Variants in PTBP3 observed in about 807,000 individuals in gnomAD.
PTBP3 encodes the protein polypyrimidine tract binding protein 3.
A neutral mutation model predicts 58.7 loss-of-function variants in PTBP3; 20 were observed. The ratio of observed to expected loss-of-function variants is 0.34; its 90% CI spans 0.24 to 0.50. PTBP3 has a LOEUF of 0.50. Ranked by LOEUF, PTBP3 falls within the 20% of genes least tolerant of loss-of-function variation. PTBP3 has a pLI of 0.98. For missense variants in PTBP3, 509 were observed against 637.2 expected, an observed-to-expected ratio of 0.80 and a Z score of 2.17; for synonymous variants, 185 against 219.8, an observed-to-expected ratio of 0.84 and a Z score of 1.40.
intron 5 of PTBP3, among the ~76,000 whole-genome samples, chr9:112,255,018 A>G (rs1836289047): frequency 6.6e-6 from 1 of 152,230 alleles, no homozygotes; most frequent in Non-Finnish European, 1.5e-5. Context: ...TATACATACA[A>G]CTGAATATTA....
At chr9:112,320,314 ATTTT>A (rs67226574) in intron 1 of PTBP3, among the ~76,000 whole-genome samples, 13,503 of 75,540 alleles carry the variant, frequency 0.18, 1,280 homozygotes, top group South Asian at 0.3. Context: ...ATATATATAT[ATTTT>A]TTTTTAAGTG....
Position 112,222,897 on chromosome 9 carries a change from A to G in PTBP3, c.*954T>C. The G allele has an allele frequency of 2.3e-6, 2 of 879,926 alleles. No individual in the cohort carries two copies. The highest frequency in any genetic ancestry group is 1.1e-4 in the South Asian group (2 of 19,034). 54.5% of individuals were successfully genotyped at this position (879,926 alleles called of 1,614,324 possible). On this transcript the variant is annotated 3_prime_UTR_variant, in exon 14 of 14. Coordinates refer to ENST00000374257, the MANE Select transcript of PTBP3 (RefSeq NM_001163788.4). ...TTGAGATTAATTTTTTTCTAAAAGA[A>G]GACCTTACCAAAAATAACTTTTAAA...
chr9:112,286,306 C>T (rs1198344736), intron 2 of PTBP3, among the ~76,000 whole-genome samples: 1 of 152,092 alleles, frequency 6.6e-6, no homozygotes, highest in African/African-American at 2.4e-5. Flanking sequence ...TAATTATTAA[C>T]GTGGTTGGGT....
chr9:112,266,625 A>G (rs528317600), intron 4 of PTBP3, among the ~76,000 whole-genome samples: 16 of 152,238 alleles, frequency 1.1e-4, no homozygotes, highest in Non-Finnish European at 2.2e-4. Context: ...TAATTCTCCT[A>G]TAAAAGGGAG....
At chr9:112,318,008 T>G (rs570691033) in intron 1 of PTBP3, among the ~76,000 whole-genome samples, 7 of 152,216 alleles carry the variant, frequency 4.6e-5, no homozygotes, top group African/African-American at 1.7e-4. Context: ...ACAACTTAGT[T>G]GAAATACAAA....
At chr9:112,268,712 C>CAAAA (rs56196327) in intron 3 of PTBP3, among the ~76,000 whole-genome samples, 2 of 94,060 alleles carry the variant, frequency 2.1e-5, no homozygotes, top group Non-Finnish European at 4.4e-5. Context: ...GACACCGTCT[C>CAAAA]AAAAAAAAAA....
the PTBP3 span, among the ~76,000 whole-genome samples, chr9:112,378,832 T>A: frequency 6.6e-6 from 1 of 152,176 alleles, no homozygotes; most frequent in Non-Finnish European, 1.5e-5. Flanking sequence ...TCAATTCAAA[T>A]GCCTACAGGA....
chr9:112,323,032 G>A (rs531924386), intron 1 of PTBP3, among the ~76,000 whole-genome samples: 2 of 152,350 alleles, frequency 1.3e-5, no homozygotes, highest in South Asian at 2.1e-4. Context: ...AAGATCACTT[G>A]AGGCCAGGCA....
At chr9:112,234,927 C>T (rs749472907) in intron 7 of PTBP3, 30 bp from the exon 8 acceptor site, 105 of 1,541,086 alleles carry the variant, frequency 6.8e-5, no homozygotes, top group Non-Finnish European at 9.3e-5. Context: ...AAAGTAAACA[C>T]ACTACCTTCT....
intron 2 of PTBP3, among the ~76,000 whole-genome samples, chr9:112,290,707 T>TATACACACACAC (rs377603008): frequency 2.7e-5 from 3 of 110,956 alleles, no homozygotes; most frequent in African/African-American, 1.2e-4. Flanking sequence ...TATATATATA[T>TATACACACACAC]ACACACACAC....
chr9:112,286,194 T>C (rs917461648), intron 2 of PTBP3, among the ~76,000 whole-genome samples: 2 of 152,190 alleles, frequency 1.3e-5, no homozygotes, highest in African/African-American at 4.8e-5. Context: ...TTACCTGAGA[T>C]TTCATATTTA....
chr9:112,373,223 C>G, the PTBP3 span, among the ~76,000 whole-genome samples: 1 of 152,090 alleles, frequency 6.6e-6, no homozygotes, highest in East Asian at 1.9e-4. Flanking sequence ...TATTAACTCA[C>G]ATGATCACAA....
the PTBP3 span, among the ~76,000 whole-genome samples, chr9:112,365,644 GAA>G: frequency 6.6e-6 from 1 of 152,130 alleles, no homozygotes; most frequent in Non-Finnish European, 1.5e-5. Flanking sequence ...GGGTGCTGCT[GAA>G]AAGATACCGA....
At chr9:112,275,703 CA>C (rs79460841) in intron 3 of PTBP3, 140 bp downstream of exon 3, 9 of 705,816 alleles carry the variant, frequency 1.3e-5, no homozygotes, top group South Asian at 8.7e-5. Flanking sequence ...TACACCCCCC[CA>C]AAAAAATCTA....
the PTBP3 span, among the ~76,000 whole-genome samples, chr9:112,359,725 CCCGGGAGGCGGAGGTTG>C: frequency 2.0e-5 from 3 of 152,062 alleles, no homozygotes; most frequent in Admixed American, 6.6e-5. Flanking sequence ...ATCACTTGAA[CCCGGGAGGCGGAGGTTG>C]CCGGGAGGCG....
In PTBP3 at chr9:112,279,644, A is replaced by G. The variant is rs988792170; in HGVS notation, c.35-3631T>C. ...CTTTGCAGTTAGTCCTCCCTACCAA[A>G]CCCCCAACCCCCACCCCAGGCAATC... On this transcript the variant is annotated intron_variant, in intron 2 of 13. Transcript: ENST00000374257. 4.0e-5 allele frequency among the ~76,000 whole-genome samples: 6 copies of G among 151,510 alleles called. No individual in the cohort carries two copies. The East Asian group carries it at 1.2e-3, about 30-fold the overall frequency.
intron 7 of PTBP3, among the ~76,000 whole-genome samples, chr9:112,244,636 C>G (rs1424393278): frequency 6.6e-6 from 1 of 151,886 alleles, no homozygotes; most frequent in Admixed American, 6.6e-5. Context: ...CATGAGTGCA[C>G]CACTGCACTT....
intron 5 of PTBP3, among the ~76,000 whole-genome samples, chr9:112,261,808 G>C (rs7875042): frequency 0.27 from 41,529 of 151,994 alleles, 6,652 homozygotes; most frequent in South Asian, 0.4. Flanking sequence ...AATTCTAATT[G>C]GCTCTTCAAT....
At chr9:112,370,637 T>C in the PTBP3 span, among the ~76,000 whole-genome samples, 6 of 152,336 alleles carry the variant, frequency 3.9e-5, no homozygotes, top group Non-Finnish European at 8.8e-5. Context: ...TCCACATTAA[T>C]TTGAGGATTG....
Sources: gnomAD v4.1 joint callset for allele counts (sites outside exome capture counted in the v4.1 genomes callset) on GRCh38, gnomAD v4.1.1 for gene constraint, MANE v1.5 for transcripts, NCBI Gene and HGNC (gene_info 2026-07-23, HGNC 2026-07-21) for gene names.